The following TFEC variants were observed in gnomAD, a reference collection of about 807,000 sequenced individuals.
TFEC encodes the protein transcription factor EC, also known as class E basic helix-loop-helix protein 34.
Under a neutral mutation model 41.6 loss-of-function variants are expected in TFEC, and 31 were observed. The observed-to-expected ratio is 0.74, with a 90% CI of 0.56 to 1.01. The LOEUF is 1.01. TFEC is among the 50% of genes least tolerant of loss of function. TFEC has a pLI of 0.00. For synonymous variants in TFEC, 143 were observed against 140.6 expected (o/e 1.02, Z -0.12); for missense variants, 402 against 404.1 (o/e 0.99, Z 0.04).
intron 1 of TFEC, among the ~76,000 whole-genome samples, chr7:115,994,804 C>G (rs1314070120): frequency 6.6e-6 from 1 of 152,128 alleles, no homozygotes; most frequent in Non-Finnish European, 1.5e-5. Flanking sequence ...CCTCAAGGAT[C>G]TAGAACTAGA....
chr7:116,052,975 G>A (rs918958890), intron 3 of TFEC, among the ~76,000 whole-genome samples: 1 of 151,958 alleles, frequency 6.6e-6, no homozygotes, highest in Non-Finnish European at 1.5e-5. Flanking sequence ...GGGAGGCTGA[G>A]GCAGGAGAAC....
chr7:115,946,875 A>T (rs1212812057), intron 6 of TFEC, among the ~76,000 whole-genome samples: 1 of 151,308 alleles, frequency 6.6e-6, no homozygotes, highest in African/African-American at 2.4e-5. Flanking sequence ...TTTCCGGATA[A>T]TGAATAATAT....
At chr7:115,998,851 AAGAG>A (rs71137144) in intron 1 of TFEC, among the ~76,000 whole-genome samples, 55,871 of 151,370 alleles carry the variant, frequency 0.37, 11,121 homozygotes, top group Non-Finnish European at 0.45. Context: ...ATTAGCGCTA[AAGAG>A]AGAGAGAGCA....
chr7:116,126,351 A>C (rs1175262180), intron 1 of TFEC, among the ~76,000 whole-genome samples: 1 of 152,188 alleles, frequency 6.6e-6, no homozygotes, highest in Non-Finnish European at 1.5e-5. Flanking sequence ...GATGGAAATA[A>C]AAGAAGGGAA....
intron 3 of TFEC, among the ~76,000 whole-genome samples, chr7:116,065,389 G>T (rs1289637062): frequency 6.6e-6 from 1 of 152,122 alleles, no homozygotes; most frequent in Non-Finnish European, 1.5e-5. Flanking sequence ...TATGAATGGT[G>T]CTTACATGGT....
chr7:116,157,651 C>G (rs1798896663), intron 1 of TFEC, among the ~76,000 whole-genome samples: 2 of 152,052 alleles, frequency 1.3e-5, no homozygotes, highest in Non-Finnish European at 2.9e-5. Flanking sequence ...CGAACAGATG[C>G]AAAAATGCCC....
chr7:115,944,108 T>C lies in TFEC; in HGVS notation c.516-2068A>G, dbSNP rs1212133835. On this transcript the variant is annotated intron_variant, in intron 6 of 7. Transcript: ENST00000265440. ...GTCTCGTATTCTACACCAACTATCA[T>C]TCTTACACAAAAGCAGGAGGAATTT... is the stretch of plus-strand genomic sequence containing the variant. 2.7e-5 allele frequency among the ~76,000 whole-genome samples: 4 copies of C among 146,066 alleles called. No homozygotes were observed. In the East Asian group the frequency reaches 8.5e-4, roughly 31 times the overall value.
chr7:116,147,903 C>A (rs554881922), intron 1 of TFEC, among the ~76,000 whole-genome samples: 1 of 152,198 alleles, frequency 6.6e-6, no homozygotes, highest in East Asian at 1.9e-4. Flanking sequence ...AATATTCCTG[C>A]TCCACTAGAG....
chr7:115,994,858 A>G (rs1282813765), intron 1 of TFEC, among the ~76,000 whole-genome samples: 1 of 152,192 alleles, frequency 6.6e-6, no homozygotes, highest in Non-Finnish European at 1.5e-5. Context: ...TATATACCCA[A>G]AGGATTATAA....
intron 3 of TFEC, among the ~76,000 whole-genome samples, chr7:116,101,163 C>T (rs142591078): frequency 6.6e-6 from 1 of 150,654 alleles, no homozygotes; most frequent in African/African-American, 2.4e-5. Flanking sequence ...ATGAGACTCC[C>T]AACACCAATG....
At chr7:116,137,601 G>A (rs1798457953) in intron 1 of TFEC, among the ~76,000 whole-genome samples, 1 of 152,124 alleles carries the variant, frequency 6.6e-6, no homozygotes, top group Non-Finnish European at 1.5e-5. Flanking sequence ...TATATGTGAA[G>A]ATGATTAGGG....
chr7:115,947,489 C>T (rs13243706), intron 6 of TFEC, among the ~76,000 whole-genome samples: 20,538 of 150,358 alleles, frequency 0.14, 1,886 homozygotes, highest in Non-Finnish European at 0.21. Context: ...CCTAAGGAAT[C>T]GCCACACTGA....
upstream of TFEC, among the ~76,000 whole-genome samples, chr7:116,035,107 C>A (rs1332678759): frequency 6.6e-6 from 1 of 151,880 alleles, no homozygotes; most frequent in Non-Finnish European, 1.5e-5. Context: ...ATGGACATAT[C>A]CTAAGCACTA....
chr7:116,153,490 T>A (rs1226988736), intron 1 of TFEC, among the ~76,000 whole-genome samples: 2 of 152,278 alleles, frequency 1.3e-5, no homozygotes, highest in South Asian at 2.1e-4. Flanking sequence ...CCTGACCTCG[T>A]GATCCACCCA....
At chr7:116,153,298 C>T (rs1798800641) in intron 1 of TFEC, among the ~76,000 whole-genome samples, 1 of 152,070 alleles carries the variant, frequency 6.6e-6, no homozygotes, top group Non-Finnish European at 1.5e-5. Context: ...TTCTGTTGCC[C>T]AGACTGGAGT....
intron 1 of TFEC, among the ~76,000 whole-genome samples, chr7:116,122,829 T>C (rs1798134781): frequency 6.6e-6 from 1 of 152,078 alleles, no homozygotes; most frequent in Non-Finnish European, 1.5e-5. Context: ...TTCCTCATTG[T>C]GGCCAACACT....
chr7:116,064,942 G>T (rs896693975), intron 3 of TFEC, among the ~76,000 whole-genome samples: 1 of 152,084 alleles, frequency 6.6e-6, no homozygotes, highest in Non-Finnish European at 1.5e-5. Flanking sequence ...TAAAACCATG[G>T]AGATTAATTG....
chr7:115,997,971 A>C (rs916838351), intron 1 of TFEC, among the ~76,000 whole-genome samples: 3 of 152,122 alleles, frequency 2.0e-5, no homozygotes, highest in Non-Finnish European at 4.4e-5. Flanking sequence ...AATAACCTCC[A>C]AAGGGAAAAT....
chr7:115,947,157 G>C (rs1402014988), intron 6 of TFEC, among the ~76,000 whole-genome samples: 1 of 146,308 alleles, frequency 6.8e-6, no homozygotes, highest in Non-Finnish European at 1.5e-5. Flanking sequence ...ACCTATGAGT[G>C]AGAATAGGTG....
Sources: allele counts gnomAD v4.1 joint callset (sites outside exome capture counted in the v4.1 genomes callset), GRCh38; gene constraint gnomAD v4.1.1; transcripts MANE v1.5; gene names NCBI Gene and HGNC (gene_info 2026-07-23, HGNC 2026-07-21).